Variants in FBXL7 observed in about 807,000 individuals in gnomAD.
FBXL7 encodes F-box and leucine rich repeat protein 7.
A neutral mutation model predicts 38.3 loss-of-function variants in FBXL7; 12 were observed. The ratio of observed to expected loss-of-function variants is 0.31; its 90% CI spans 0.20 to 0.51. The LOEUF (loss-of-function observed/expected upper bound fraction) is 0.51. FBXL7 is among the 20% of genes least tolerant of loss of function. FBXL7 has a pLI of 0.98. For missense variants in FBXL7, 567 were observed against 676.4 expected, an observed-to-expected ratio of 0.84 and a Z score of 1.79; for synonymous variants, 297 against 300.9, an observed-to-expected ratio of 0.99 and a Z score of 0.13.
rs537384611 is a variant in FBXL7, at chr5:15,867,700, C to T, written c.128-60190C>T. Among the ~76,000 whole-genome samples, 8 of 152,258 alleles carry T rather than the reference C, an allele frequency of 5.3e-5. No individual in the cohort carries two copies. The East Asian group carries it at 1.5e-3, about 29-fold the overall frequency. Reference sequence around the variant, plus strand: ...ATTACTTAAGTGGGCTCAGTCTGATCACCTGGGTGCTTAAAGTGGAAGAGA... The same window carrying T: ...ATTACTTAAGTGGGCTCAGTCTGATTACCTGGGTGCTTAAAGTGGAAGAGA... On this transcript the variant is annotated intron_variant, in intron 2 of 3. Transcript: ENST00000504595.
chr5:15,586,789 AC>A (rs543851013), intron 1 of FBXL7, among the ~76,000 whole-genome samples: 187 of 152,362 alleles, frequency 1.2e-3, no homozygotes, highest in Non-Finnish European at 2.0e-3. Flanking sequence ...CCTGGTAAAA[AC>A]ACTTTAAAAA....
intron 2 of FBXL7, among the ~76,000 whole-genome samples, chr5:15,804,442 C>G (rs2126745172): frequency 6.6e-6 from 1 of 152,184 alleles, no homozygotes; most frequent in South Asian, 2.1e-4. Context: ...GCAGTACAGT[C>G]TGGACAACAA....
At chr5:15,719,079 T>C (rs146070629) in intron 2 of FBXL7, among the ~76,000 whole-genome samples, 1 of 152,320 alleles carries the variant, frequency 6.6e-6, no homozygotes, top group Admixed American at 6.5e-5. Context: ...GCTACAGTTA[T>C]CGGAAGGCCA....
chr5:15,515,598 C>T (rs1291709186), intron 1 of FBXL7, among the ~76,000 whole-genome samples: 1 of 151,936 alleles, frequency 6.6e-6, no homozygotes, highest in Non-Finnish European at 1.5e-5. Context: ...GGTGAGTATT[C>T]AGTAGAATAC....
chr5:15,567,404 A>C (rs372135853), intron 1 of FBXL7, among the ~76,000 whole-genome samples: 1 of 152,010 alleles, frequency 6.6e-6, no homozygotes, highest in South Asian at 2.1e-4. Flanking sequence ...TAGAATATTA[A>C]ATATTTTTGA....
intron 2 of FBXL7, among the ~76,000 whole-genome samples, chr5:15,761,998 G>A (rs1004340541): frequency 2.6e-5 from 4 of 152,134 alleles, no homozygotes; most frequent in African/African-American, 7.2e-5. Flanking sequence ...TGCAACACAC[G>A]TTCATTATCT....
At chr5:15,553,336 G>T (rs542303252) in intron 1 of FBXL7, among the ~76,000 whole-genome samples, 2 of 152,132 alleles carry the variant, frequency 1.3e-5, no homozygotes, top group African/African-American at 4.8e-5. Flanking sequence ...TACCTTGTTG[G>T]CCTCTACTTA....
chr5:15,579,610 T>C (rs773719774), intron 1 of FBXL7, among the ~76,000 whole-genome samples: 1 of 152,208 alleles, frequency 6.6e-6, no homozygotes, highest in Non-Finnish European at 1.5e-5. Context: ...TTTTGCCACA[T>C]TCCAGACAAC....
At chr5:15,536,982 G>A (rs560438677) in intron 1 of FBXL7, among the ~76,000 whole-genome samples, 1 of 152,278 alleles carries the variant, frequency 6.6e-6, no homozygotes, top group South Asian at 2.1e-4. Flanking sequence ...GATAGTGAGT[G>A]AGTTCTTGTG....
In FBXL7 at chr5:15,784,163, C is replaced by T. The variant is rs116304150; in HGVS notation, c.128-143727C>T. Among the ~76,000 whole-genome samples, 821 of 152,158 alleles carry T rather than the reference C, an allele frequency of 5.4e-3. 4 individuals are homozygous for T. Among genetic ancestry groups the T allele is most frequent in the African/African-American group, 0.019 (779 of 41,502 alleles). The stretch of plus-strand genomic sequence containing the variant: ...TCTTAAAGAGTATAGTAGTGTAGTG[C>T]TTCATGAACATGAGAGGAAGGGCTA... On this transcript the variant is annotated intron_variant, in intron 2 of 3. Transcript: ENST00000504595.
At chr5:15,538,238 A>G (rs1358929383) in intron 1 of FBXL7, among the ~76,000 whole-genome samples, 1 of 152,184 alleles carries the variant, frequency 6.6e-6, no homozygotes, top group African/African-American at 2.4e-5. Flanking sequence ...TTGTGACCCA[A>G]TGAGAAAAAC....
At chr5:15,923,640 A>G (rs1486853140) in intron 2 of FBXL7, among the ~76,000 whole-genome samples, 1 of 152,162 alleles carries the variant, frequency 6.6e-6, no homozygotes, top group Non-Finnish European at 1.5e-5. Flanking sequence ...ATGCTTTATA[A>G]TCTTTTTAAT....
At chr5:15,864,069 T>G (rs2126812123) in intron 2 of FBXL7, among the ~76,000 whole-genome samples, 2 of 152,246 alleles carry the variant, frequency 1.3e-5, no homozygotes, top group South Asian at 2.1e-4. Flanking sequence ...GTAACCAAAC[T>G]TGGCAGAAAT....
At chr5:15,682,907 TA>T (rs1410681698) in intron 2 of FBXL7, among the ~76,000 whole-genome samples, 1 of 152,204 alleles carries the variant, frequency 6.6e-6, no homozygotes, top group Admixed American at 6.5e-5. Context: ...AAGATGACAG[TA>T]AAAAAGTTTG....
intron 2 of FBXL7, among the ~76,000 whole-genome samples, chr5:15,796,833 A>T (rs539583379): frequency 8.5e-5 from 13 of 152,320 alleles, no homozygotes; most frequent in South Asian, 2.1e-4. Flanking sequence ...CAATGCTAAA[A>T]TTAGGCACAG....
chr5:15,529,572 T>C (rs1241028903), intron 1 of FBXL7, among the ~76,000 whole-genome samples: 1 of 151,994 alleles, frequency 6.6e-6, no homozygotes, highest in African/African-American at 2.4e-5. Context: ...ATTTTTGTAG[T>C]AGAGACGGGG....
At chr5:15,577,328 C>A (rs1738999158) in intron 1 of FBXL7, among the ~76,000 whole-genome samples, 1 of 152,068 alleles carries the variant, frequency 6.6e-6, no homozygotes, top group Non-Finnish European at 1.5e-5. Flanking sequence ...TCCCCAGGGG[C>A]AGGGGGGCAT....
intron 2 of FBXL7, among the ~76,000 whole-genome samples, chr5:15,679,636 G>A (rs1327922466): frequency 6.7e-6 from 1 of 149,126 alleles, no homozygotes; most frequent in African/African-American, 2.5e-5. Flanking sequence ...GTTGACTAAA[G>A]TTGTGGAAAA....
intron 2 of FBXL7, among the ~76,000 whole-genome samples, chr5:15,877,629 A>G (rs915408845): frequency 6.6e-6 from 1 of 152,196 alleles, no homozygotes; most frequent in Non-Finnish European, 1.5e-5. Context: ...AGCAAAAGAC[A>G]GATTCTGTAA....
Sources: gnomAD v4.1 joint callset for allele counts (sites outside exome capture counted in the v4.1 genomes callset) on GRCh38, gnomAD v4.1.1 for gene constraint, MANE v1.5 for transcripts, NCBI Gene and HGNC (gene_info 2026-07-23, HGNC 2026-07-21) for gene names.